UBE2E3: variants seen among roughly 807,000 people sequenced by gnomAD.
The protein encoded by UBE2E3 is ubiquitin conjugating enzyme E2 E3.
Under a neutral mutation model 23.6 loss-of-function variants are expected in UBE2E3, and 5 were observed. The observed-to-expected ratio is 0.21, with a 90% CI of 0.11 to 0.44. The LOEUF (loss-of-function observed/expected upper bound fraction) is 0.44, where lower values mean the gene tolerates loss of function less well. UBE2E3 is among the 20% of genes least tolerant of loss of function. The probability of loss-of-function intolerance (pLI) is 0.99; values close to 1 mark genes in which losing one functional copy is unlikely to be tolerated. For missense variants in UBE2E3, 81 were observed against 249.8 expected, an observed-to-expected ratio of 0.32 and a Z score of 4.55; for synonymous variants, 78 against 87.5, an observed-to-expected ratio of 0.89 and a Z score of 0.60.
intron 3 of UBE2E3, among the ~76,000 whole-genome samples, chr2:181,057,457 A>G (rs1182519406): frequency 6.6e-6 from 1 of 151,758 alleles, no homozygotes; most frequent in East Asian, 1.9e-4. Context: ...AGACTGGGTA[A>G]AGTTATACCA....
intron 3 of UBE2E3, among the ~76,000 whole-genome samples, chr2:181,023,100 T>C (rs999143852): frequency 1.2e-4 from 18 of 152,348 alleles, no homozygotes; most frequent in African/African-American, 4.1e-4. Context: ...CATGAGTAAG[T>C]TGTGAGGAGT....
chr2:181,036,646 G>T lies in UBE2E3; in HGVS notation c.246-21047G>T, dbSNP rs942266912. 3.9e-5 allele frequency among the ~76,000 whole-genome samples: 6 copies of T among 152,174 alleles called. No homozygotes were observed. The South Asian group carries it at 1.2e-3, about 32-fold the overall frequency. ...TGCAGGAGCATCCTGTCCAGGGATG[G>T]TTCACACCCTGTGCCCTGGGCTGCT... On this transcript the variant is annotated intron_variant, in intron 3 of 5. Coordinates refer to ENST00000410062, the MANE Select transcript of UBE2E3 (RefSeq NM_006357.4).
chr2:181,025,612 G>A (rs1046466187), intron 3 of UBE2E3, among the ~76,000 whole-genome samples: 3 of 151,844 alleles, frequency 2.0e-5, no homozygotes, highest in African/African-American at 4.8e-5. Context: ...CCATCGTCCT[G>A]TGTTACTGGA....
intron 3 of UBE2E3, among the ~76,000 whole-genome samples, chr2:181,011,114 A>G (rs1290259815): frequency 6.6e-6 from 1 of 152,000 alleles, no homozygotes; most frequent in Non-Finnish European, 1.5e-5. Flanking sequence ...TAGAGCCAGA[A>G]CAACAATTCA....
chr2:180,986,401 C>G (rs922997685), intron 3 of UBE2E3, among the ~76,000 whole-genome samples: 1 of 151,912 alleles, frequency 6.6e-6, no homozygotes, highest in Non-Finnish European at 1.5e-5. Flanking sequence ...TAGTTTTTGT[C>G]CTTGAGTAGG....
chr2:181,001,203 C>G lies in UBE2E3; in HGVS notation c.245+17110C>G, dbSNP rs189035330. 2.3e-3 allele frequency among the ~76,000 whole-genome samples: 356 copies of G among 152,144 alleles called. 1 individual carries two copies. The highest frequency in any genetic ancestry group is 8.3e-3 in the African/African-American group (344 of 41,490). The stretch of plus-strand genomic sequence containing the variant: ...TGTACTCCAGAGTTCCTTTAAAGCT[C>G]TAGTGTTTTAGAAACATGAGTTACT... On this transcript the variant is annotated intron_variant, in intron 3 of 5. Coordinates refer to ENST00000410062, the MANE Select transcript of UBE2E3 (RefSeq NM_006357.4).
chr2:181,040,924 C>CG (rs112994440), intron 3 of UBE2E3, among the ~76,000 whole-genome samples: 35,213 of 151,956 alleles, frequency 0.23, 4,444 homozygotes, highest in Non-Finnish European at 0.28. Flanking sequence ...GAGGTTCCTT[C>CG]TGATGCTTCA....
intron 3 of UBE2E3, among the ~76,000 whole-genome samples, chr2:181,033,559 C>T (rs1686159626): frequency 6.6e-6 from 1 of 152,162 alleles, no homozygotes; most frequent in Non-Finnish European, 1.5e-5. Flanking sequence ...AAATATTAGA[C>T]CTAAAACCAT....
At chr2:181,024,953 C>G (rs1280308191) in intron 3 of UBE2E3, among the ~76,000 whole-genome samples, 1 of 151,864 alleles carries the variant, frequency 6.6e-6, no homozygotes, top group African/African-American at 2.4e-5. Context: ...AAAAGTAGAA[C>G]AGTTGCAAAG....
At chr2:181,054,032 C>T (rs1429227576) in intron 3 of UBE2E3, among the ~76,000 whole-genome samples, 1 of 151,766 alleles carries the variant, frequency 6.6e-6, no homozygotes, top group African/African-American at 2.4e-5. Flanking sequence ...TAGCTCATTT[C>T]TTTTTAGCAC....
intron 3 of UBE2E3, among the ~76,000 whole-genome samples, chr2:181,024,285 T>C (rs551551817): frequency 6.6e-6 from 1 of 152,130 alleles, no homozygotes; most frequent in Non-Finnish European, 1.5e-5. Context: ...TAAAGTGAGC[T>C]ATGAATTAAT....
chr2:181,021,250 T>A (rs1472242992), intron 3 of UBE2E3, among the ~76,000 whole-genome samples: 1 of 152,166 alleles, frequency 6.6e-6, no homozygotes, highest in Admixed American at 6.5e-5. Flanking sequence ...TTGTTTTCCC[T>A]TGTGAAGTCA....
chr2:181,035,565 T>C (rs972617601), intron 3 of UBE2E3, among the ~76,000 whole-genome samples: 2 of 152,184 alleles, frequency 1.3e-5, no homozygotes, highest in Non-Finnish European at 1.5e-5. Flanking sequence ...ATTAGTAATA[T>C]ATTAGTAATG....
chr2:180,991,370 A>AT (rs1684654947), intron 3 of UBE2E3, among the ~76,000 whole-genome samples: 3 of 152,314 alleles, frequency 2.0e-5, no homozygotes, highest in African/African-American at 7.2e-5. Context: ...ACAGCAAGAG[A>AT]TTAACAACTT....
chr2:181,048,284 T>C (rs561631059), intron 3 of UBE2E3, among the ~76,000 whole-genome samples: 58 of 152,312 alleles, frequency 3.8e-4, no homozygotes, highest in African/African-American at 1.4e-3. Context: ...CTCCATTGTA[T>C]ATTTAGTTTC....
intron 3 of UBE2E3, among the ~76,000 whole-genome samples, chr2:181,025,338 A>G (rs1435692346): frequency 1.4e-4 from 21 of 151,980 alleles, no homozygotes; most frequent in Admixed American, 1.4e-3. Flanking sequence ...TTTTATTACC[A>G]CTATGCAAAT....
chr2:180,988,816 C>G (rs1574156799), intron 3 of UBE2E3, among the ~76,000 whole-genome samples: 1 of 151,968 alleles, frequency 6.6e-6, no homozygotes. Flanking sequence ...GCTTTTTCTT[C>G]TTTACTTAAT....
chr2:181,025,913 G>A (rs1465321065), intron 3 of UBE2E3, among the ~76,000 whole-genome samples: 1 of 151,866 alleles, frequency 6.6e-6, no homozygotes, highest in Non-Finnish European at 1.5e-5. Flanking sequence ...AGCAGGCAAT[G>A]GATTTATGGA....
chr2:181,058,129 TTAA>T (rs1343526698), intron 4 of UBE2E3, among the ~76,000 whole-genome samples: 5 of 151,712 alleles, frequency 3.3e-5, no homozygotes, highest in Non-Finnish European at 5.9e-5. Context: ...AATACCTTAA[TTAA>T]TAATACCTTA....
Sources: allele counts gnomAD v4.1 joint callset (sites outside exome capture counted in the v4.1 genomes callset), GRCh38; gene constraint gnomAD v4.1.1; transcripts MANE v1.5; gene names NCBI Gene and HGNC (gene_info 2026-07-23, HGNC 2026-07-21).